The following TUSC3 variants were observed in gnomAD, a reference collection of about 807,000 sequenced individuals.
TUSC3 encodes the protein tumor suppressor candidate 3, also known as dolichyl-diphosphooligosaccharide--protein glycosyltransferase subunit TUSC3.
Under a neutral mutation model 44.8 loss-of-function variants are expected in TUSC3, and 45 were observed. The ratio of observed to expected loss-of-function variants is 1.00; its 90% CI spans 0.79 to 1.29. The LOEUF is 1.29. TUSC3 is among the 50% of genes most tolerant of loss of function. TUSC3 has a pLI of 0.00. For missense variants in TUSC3, 519 were observed against 437.9 expected (o/e 1.19, Z -1.65); for synonymous variants, 212 against 152.9 (o/e 1.39, Z -2.85).
chr8:15,659,603 G>C lies in TUSC3; in HGVS notation c.523G>C (p.Ala175Pro). 1 of 1,613,454 alleles carries C rather than the reference G, an allele frequency of 6.2e-7. No individual in the cohort carries two copies. The highest frequency in any genetic ancestry group is 1.7e-5 in the Admixed American group (1 of 60,002). Reference protein sequence around the residue: ...TFDLQRIGFAAEQLAKWIADR... With the variant: ...TFDLQRIGFAPEQLAKWIADR... ...TGACCTCCAAAGAATTGGATTTGCA[G>C]CTGAGCAACTAGCAAAGTGGATTGC... The change falls in exon 4 of 11, where the codon GCT becomes CCT. Residue 175 changes from alanine to proline, a missense_variant. By Grantham distance (27) the Ala-to-Pro change is conservative. Coordinates refer to ENST00000503731, the MANE Select transcript of TUSC3 (RefSeq NM_006765.4).
At chr8:15,672,921 A>T (rs371876573) in intron 5 of TUSC3, among the ~76,000 whole-genome samples, 1 of 152,196 alleles carries the variant, frequency 6.6e-6, no homozygotes, top group Admixed American at 6.6e-5. Context: ...AAGCTGAAGT[A>T]AGGAGTGATT....
At chr8:15,466,440 G>A (rs1287182095) in intron 1 of TUSC3, among the ~76,000 whole-genome samples, 1 of 152,076 alleles carries the variant, frequency 6.6e-6, no homozygotes. Context: ...TAATTTTAAA[G>A]TCAAAGATGA....
intron 7 of TUSC3, among the ~76,000 whole-genome samples, chr8:15,740,202 G>A (rs1811130629): frequency 2.0e-5 from 3 of 152,132 alleles, no homozygotes; most frequent in Admixed American, 1.3e-4. Flanking sequence ...CCAGGGAAAA[G>A]TACCTCAGGC....
intron 1 of TUSC3, among the ~76,000 whole-genome samples, chr8:15,457,529 A>G (rs1039332416): frequency 6.6e-6 from 1 of 151,114 alleles, no homozygotes; most frequent in Non-Finnish European, 1.5e-5. Flanking sequence ...TATATACTGT[A>G]TGAACCAGTA....
intron 2 of TUSC3, among the ~76,000 whole-genome samples, chr8:15,518,160 A>G (rs1801247802): frequency 6.6e-6 from 1 of 152,004 alleles, no homozygotes; most frequent in Non-Finnish European, 1.5e-5. Flanking sequence ...TTCATTTAGC[A>G]CAGTTTTTGG....
intron 1 of TUSC3, among the ~76,000 whole-genome samples, chr8:15,426,896 C>A (rs528720436): frequency 5.9e-5 from 9 of 152,194 alleles, no homozygotes; most frequent in Non-Finnish European, 1.0e-4. Context: ...TTCAAATACA[C>A]TATTAGCCAT....
the TUSC3 span, among the ~76,000 whole-genome samples, chr8:15,814,973 T>C: frequency 6.6e-6 from 1 of 152,168 alleles, no homozygotes; most frequent in African/African-American, 2.4e-5. Flanking sequence ...TGTTGTTTAG[T>C]TGATAGGAAA....
intron 4 of TUSC3, among the ~76,000 whole-genome samples, chr8:15,661,854 T>G (rs1317735353): frequency 6.6e-6 from 1 of 151,720 alleles, no homozygotes; most frequent in Non-Finnish European, 1.5e-5. Context: ...AAAACCCAAT[T>G]CAAAATGGGC....
intron 1 of TUSC3, among the ~76,000 whole-genome samples, chr8:15,564,996 T>TTGTA (rs1164133147): frequency 2.0e-5 from 3 of 152,140 alleles, no homozygotes; most frequent in Non-Finnish European, 4.4e-5. Context: ...AGGATGACCA[T>TTGTA]TGTATGCATT....
the TUSC3 span, among the ~76,000 whole-genome samples, chr8:15,836,594 CT>C: frequency 1.3e-5 from 2 of 151,910 alleles, no homozygotes; most frequent in African/African-American, 4.8e-5. Context: ...ATTTTAAATA[CT>C]TTTTTGGTTG....
intron 1 of TUSC3, among the ~76,000 whole-genome samples, chr8:15,550,507 T>C (rs1038153732): frequency 1.3e-5 from 2 of 151,570 alleles, no homozygotes; most frequent in East Asian, 3.9e-4. Flanking sequence ...TACCAGAGTT[T>C]GTGTTATTGT....
chr8:15,423,509 C>T (rs1285470348), intron 1 of TUSC3, among the ~76,000 whole-genome samples: 2 of 152,134 alleles, frequency 1.3e-5, no homozygotes, highest in African/African-American at 4.8e-5. Flanking sequence ...AAATTGTATT[C>T]TTTCGATTTC....
chr8:15,549,465 C>T (rs1563284210), intron 1 of TUSC3, among the ~76,000 whole-genome samples: 1 of 151,772 alleles, frequency 6.6e-6, no homozygotes, highest in South Asian at 2.1e-4. Flanking sequence ...AGCCACCATG[C>T]TCGGCCTAAT....
intron 2 of TUSC3, among the ~76,000 whole-genome samples, chr8:15,629,552 T>TG (rs1014501594): frequency 1.3e-4 from 16 of 126,824 alleles, no homozygotes; most frequent in Non-Finnish European, 1.9e-4. Flanking sequence ...GCGGCCATCT[T>TG]GTTTTTTTTT....
intron 1 of TUSC3, among the ~76,000 whole-genome samples, chr8:15,417,883 C>G (rs939975238): frequency 6.6e-6 from 1 of 151,934 alleles, no homozygotes; most frequent in Admixed American, 6.6e-5. Context: ...TTAATTAAGT[C>G]AAGGAAAGGA....
chr8:15,609,659 A>G (rs1804678363), intron 1 of TUSC3, among the ~76,000 whole-genome samples: 1 of 152,130 alleles, frequency 6.6e-6, no homozygotes, highest in South Asian at 2.1e-4. Context: ...AGAAAGTATC[A>G]TGATTCCCAT....
chr8:15,484,079 G>T (rs1330728869), intron 2 of TUSC3, among the ~76,000 whole-genome samples: 1 of 152,118 alleles, frequency 6.6e-6, no homozygotes, highest in Non-Finnish European at 1.5e-5. Flanking sequence ...TATTTGTAGT[G>T]AGATTTTTAA....
At position 15,582,045 on chromosome 8, in the gene TUSC3, A is replaced by G. The variant is rs916720087; in HGVS notation, c.139-41035A>G. Reference sequence around the variant, plus strand: ...TTTTTAAGCCGGTCTGAAAAGCGCAATATTCGGGTGGCAGTGACCCGATTT... The same window carrying G: ...TTTTTAAGCCGGTCTGAAAAGCGCAGTATTCGGGTGGCAGTGACCCGATTT... On this transcript the variant is annotated intron_variant, in intron 1 of 10. Transcript: ENST00000503731. Among the ~76,000 whole-genome samples the G allele has an allele frequency of 9.2e-5, 14 of 152,150 alleles. No individual in the cohort carries two copies. The South Asian group carries it at 1.2e-3, about 14-fold the overall frequency.
At chr8:15,552,140 C>T (rs542926033) in intron 1 of TUSC3, among the ~76,000 whole-genome samples, 6 of 151,640 alleles carry the variant, frequency 4.0e-5, no homozygotes, top group African/African-American at 1.4e-4. Flanking sequence ...TATTATGTAC[C>T]TTTTGATGAT....
Sources: allele counts gnomAD v4.1 joint callset (sites outside exome capture counted in the v4.1 genomes callset), GRCh38; gene constraint gnomAD v4.1.1; transcripts MANE v1.5; gene names NCBI Gene and HGNC (gene_info 2026-07-23, HGNC 2026-07-21).